Variants in HTT observed in about 807,000 individuals in gnomAD.
HTT encodes the protein huntingtin.
Under a neutral mutation model 362.3 loss-of-function variants are expected in HTT, and 104 were observed. That is an observed-to-expected ratio of 0.29 (90% confidence interval 0.24 to 0.34). The LOEUF is 0.34. HTT is among the 10% of genes least tolerant of loss of function. HTT has a pLI of 1.00. For synonymous variants in HTT, 1,577 were observed against 1,548.7 expected, an observed-to-expected ratio of 1.02 and a Z score of -0.43; for missense variants, 3,301 against 3,928.6, an observed-to-expected ratio of 0.84 and a Z score of 4.27.
chr4:3,137,198 G>A (rs562365479), intron 21 of HTT, among the ~76,000 whole-genome samples: 11 of 152,098 alleles, frequency 7.2e-5, no homozygotes, highest in South Asian at 2.1e-4. Context: ...GAGCCATGGC[G>A]CCTGGCCAGG....
chr4:3,149,849 A>T (rs1389305727), intron 26 of HTT, among the ~76,000 whole-genome samples: 1 of 152,138 alleles, frequency 6.6e-6, no homozygotes. Context: ...CTACTACTTC[A>T]GCCATCCTTC....
At chr4:3,127,673 T>C in intron 12 of HTT, 69 bp downstream of exon 12, 1 of 1,190,782 alleles carries the variant, frequency 8.4e-7, no homozygotes, top group Non-Finnish European at 1.2e-6. Context: ...CACTCCATAG[T>C]GCAGTGGAGG....
rs114476000 is a variant in HTT, at chr4:3,120,342, C to T, written c.1069-886C>T. On this transcript the variant is annotated intron_variant, in intron 8 of 66. Coordinates refer to ENST00000355072, the MANE Select transcript of HTT (RefSeq NM_001388492.1). ...TTTGTTTACAGTTTAAATTTGAGTG[C>T]CTTGTATTTTATCTGGCAACTGTAA... 7.2e-3 allele frequency among the ~76,000 whole-genome samples: 1,091 copies of T among 152,156 alleles called. 9 individuals carry two copies. Among genetic ancestry groups the T allele is most frequent in the Middle Eastern group, 0.037 (11 of 294 alleles).
At position 3,078,821 on chromosome 4, in the gene HTT, G is replaced by A. The variant is rs141933346; in HGVS notation, c.263+3733G>A. 6.6e-3 allele frequency among the ~76,000 whole-genome samples: 1,005 copies of A among 151,570 alleles called. 4 individuals are homozygous for A. Among genetic ancestry groups the A allele is most frequent in the African/African-American group, 0.017 (703 of 41,296 alleles). On this transcript the variant is annotated intron_variant, in intron 1 of 66. Transcript: ENST00000355072. The stretch of plus-strand genomic sequence containing the variant: ...GCGATCTCAGCTCACTGCAAGCTCC[G>A]CTTCCCGAGTTCACGCCATTCTCCT...
Position 3,218,990 on chromosome 4 carries a change from C to T in HTT, c.7242+1038C>T, listed in dbSNP as rs976588480. On this transcript the variant is annotated intron_variant, in intron 52 of 66. Coordinates refer to ENST00000355072, the MANE Select transcript of HTT (RefSeq NM_001388492.1). This position sits in a 1 kb window ranked among gnomAD's most constrained non-coding sequence, Gnocchi z 4.4. ...GCTGGAGAGTCTAGGGAGGCTTGCT[C>T]CAAGGACGCAGTATTGTTTGATCCT... Among the ~76,000 whole-genome samples, 3 of 152,126 alleles carry T rather than the reference C, an allele frequency of 2.0e-5. No homozygotes were observed. Among genetic ancestry groups the T allele is most frequent in the Non-Finnish European group, 4.4e-5 (3 of 67,998 alleles).
rs1469048228 is a variant in HTT, at chr4:3,176,056, C to T, written c.4407+949C>T. Among the ~76,000 whole-genome samples, 6 of 139,810 alleles carry T rather than the reference C, an allele frequency of 4.3e-5. No individual in the cohort carries two copies. The East Asian group carries it at 1.2e-3, about 28-fold the overall frequency. The allele number at this position is 139,810 out of a possible 152,430, so 91.7% of individuals were successfully genotyped here. A position where few individuals can be genotyped will look rare whatever the true frequency, so the allele number is the denominator to read the frequency against. ...TTTTGTTTTTTTTTTGAGATGGAGT[C>T]TCGCTCTGTCACCCAGGCTGGAGTG... On this transcript the variant is annotated intron_variant, in intron 33 of 66. Coordinates refer to ENST00000355072, the MANE Select transcript of HTT (RefSeq NM_001388492.1).
chr4:3,132,520 T>C (rs752351885), intron 16 of HTT, 42 bp from the exon 17 acceptor site: 2 of 1,540,576 alleles, frequency 1.3e-6, no homozygotes, highest in Non-Finnish European at 8.9e-7. Context: ...AGAAAGTTGA[T>C]AGTAGGGAAT....
At chr4:3,225,574 G>A (rs531980779) in intron 56 of HTT, 87 bp from the exon 57 acceptor site, 20 of 1,235,804 alleles carry the variant, frequency 1.6e-5, no homozygotes, top group Middle Eastern at 2.1e-4. Context: ...CTGGGTGCCT[G>A]TCTGGGCAGG....
At chr4:3,187,350 TTTCACTG>T (rs1446085909) in intron 38 of HTT, among the ~76,000 whole-genome samples, 19 of 151,994 alleles carry the variant, frequency 1.3e-4, no homozygotes, top group Non-Finnish European at 1.9e-4. Context: ...AGAGACGGGG[TTTCACTG>T]TGTTAGCCAG....
chr4:3,157,695 A>T (rs981720281), intron 28 of HTT, among the ~76,000 whole-genome samples: 1 of 152,178 alleles, frequency 6.6e-6, no homozygotes, highest in Non-Finnish European at 1.5e-5. Context: ...TCAGCGTAAG[A>T]AACTGTTCAC....
chr4:3,074,966 G>GCCGCCGCCC lies in HTT; in HGVS notation c.143_144insGCCGCCCCC (p.Pro47_Pro49dup). 6.9e-7 allele frequency: 1 copy of GCCGCCGCCC among 1,448,544 alleles called. No homozygotes were observed. Among genetic ancestry groups the GCCGCCGCCC allele is most frequent in the Non-Finnish European group, 9.1e-7 (1 of 1,096,274 alleles). 89.7% of individuals were successfully genotyped at this position (1,448,544 alleles called of 1,614,324 possible). ...CGCCACCGCCGCCGCCGCCGCCGCC[G>GCCGCCGCCC]CCTCCTCAGCTTCCTCAGCCGCCGC... On this transcript the variant is annotated inframe_insertion, in exon 1 of 67. Coordinates refer to ENST00000355072, the MANE Select transcript of HTT (RefSeq NM_001388492.1).
At chr4:3,090,283 G>A (rs978910736) in intron 2 of HTT, among the ~76,000 whole-genome samples, 1 of 152,196 alleles carries the variant, frequency 6.6e-6, no homozygotes, top group African/African-American at 2.4e-5. Flanking sequence ...TGGTTCCTAA[G>A]TATGGATGAG....
chr4:3,194,732 A>G (rs1245881043), intron 40 of HTT, among the ~76,000 whole-genome samples: 2 of 152,306 alleles, frequency 1.3e-5, no homozygotes, highest in East Asian at 3.9e-4. Flanking sequence ...TGGCTGCACG[A>G]CAGCTCTTCC....
chr4:3,078,226 T>C (rs1394173052), intron 1 of HTT, among the ~76,000 whole-genome samples: 1 of 152,238 alleles, frequency 6.6e-6, no homozygotes, highest in African/African-American at 2.4e-5. Context: ...CCTGACTTTA[T>C]TCATTCATCA....
intron 40 of HTT, among the ~76,000 whole-genome samples, chr4:3,195,478 T>C (rs2798232): frequency 0.98 from 148,800 of 152,046 alleles, 72,898 homozygotes; most frequent in East Asian, 1. Flanking sequence ...TCTCTTCCCC[T>C]GAGTCCCTTT....
At chr4:3,169,997 C>T (rs947040143) in intron 29 of HTT, among the ~76,000 whole-genome samples, 5 of 152,176 alleles carry the variant, frequency 3.3e-5, no homozygotes, top group African/African-American at 1.2e-4. Flanking sequence ...GTTTTAATAT[C>T]CTTCTCTGCT....
At chr4:3,106,890 A>G (rs564870391) in intron 5 of HTT, among the ~76,000 whole-genome samples, 1 of 152,236 alleles carries the variant, frequency 6.6e-6, no homozygotes, top group Non-Finnish European at 1.5e-5. Context: ...TGTCCTACAC[A>G]TTCGGCTTTT....
intron 6 of HTT, among the ~76,000 whole-genome samples, chr4:3,111,962 T>C (rs774686410): frequency 6.6e-6 from 1 of 152,220 alleles, no homozygotes; most frequent in Non-Finnish European, 1.5e-5. Flanking sequence ...TACCCTCCCC[T>C]GTCCCCAGCA....
At chr4:3,118,586 G>T (rs963301817) in intron 8 of HTT, among the ~76,000 whole-genome samples, 1 of 152,150 alleles carries the variant, frequency 6.6e-6, no homozygotes, top group East Asian at 1.9e-4. Context: ...AGCAAGGGTG[G>T]GTCCTGAAAA....
Sources: gnomAD v4.1 joint callset for allele counts (sites outside exome capture counted in the v4.1 genomes callset) on GRCh38, gnomAD v4.1.1 for gene constraint, Gnocchi (gnomAD v3.1) non-coding constraint, MANE v1.5 for transcripts, NCBI Gene and HGNC (gene_info 2026-07-23, HGNC 2026-07-21) for gene names.